Variants in NCKAP5 observed in about 807,000 individuals in gnomAD.
The protein encoded by NCKAP5 is NCK associated protein 5, also known as nck-associated protein 5.
A neutral mutation model predicts 167.0 loss-of-function variants in NCKAP5; 92 were observed. The ratio of observed to expected loss-of-function variants is 0.55; its 90% CI spans 0.47 to 0.66. The LOEUF (loss-of-function observed/expected upper bound fraction) is 0.66. Among genes scored for constraint, NCKAP5 ranks in the 30% least tolerant of loss-of-function variants. The pLI, the probability that NCKAP5 is intolerant of heterozygous loss-of-function variation, is 0.00. For missense variants in NCKAP5, 2,378 were observed against 2,315.0 expected (o/e 1.03, Z -0.56); for synonymous variants, 891 against 877.4 (o/e 1.02, Z -0.27).
At chr2:132,895,109 A>G (rs1002635211) in intron 8 of NCKAP5, among the ~76,000 whole-genome samples, 1 of 152,212 alleles carries the variant, frequency 6.6e-6, no homozygotes, top group South Asian at 2.1e-4. Flanking sequence ...AGGCGGGCGG[A>G]TCACAAGGTC....
chr2:133,320,825 G>A (rs1291239311), intron 3 of NCKAP5, among the ~76,000 whole-genome samples: 1 of 152,210 alleles, frequency 6.6e-6, no homozygotes, highest in Non-Finnish European at 1.5e-5. Context: ...ATGTTCCATA[G>A]CATGAAACTT....
chr2:133,558,933 A>T (rs1687961243), intron 2 of NCKAP5, 117 bp downstream of exon 2: 1 of 152,076 alleles, frequency 6.6e-6, no homozygotes, highest in African/African-American at 2.4e-5. Flanking sequence ...TCATTGCCCT[A>T]AGACAGTCAC....
At chr2:133,239,130 G>A (rs1287567043) in intron 4 of NCKAP5, among the ~76,000 whole-genome samples, 1 of 152,116 alleles carries the variant, frequency 6.6e-6, no homozygotes, top group African/African-American at 2.4e-5. Flanking sequence ...ACTTATCAAA[G>A]TCCATTTAAT....
At chr2:133,384,841 G>C (rs968542732) in intron 3 of NCKAP5, among the ~76,000 whole-genome samples, 2 of 151,824 alleles carry the variant, frequency 1.3e-5, no homozygotes, top group African/African-American at 4.8e-5. Context: ...TCATGATTTG[G>C]CTGTTTGTCT....
intron 19 of NCKAP5, among the ~76,000 whole-genome samples, chr2:132,693,949 G>A (rs990965412): frequency 2.6e-5 from 4 of 151,786 alleles, no homozygotes; most frequent in South Asian, 2.1e-4. Context: ...AAGCCCTCTC[G>A]TTTATGGCAG....
chr2:132,826,248 C>T (rs935371471), intron 11 of NCKAP5, among the ~76,000 whole-genome samples: 3 of 152,000 alleles, frequency 2.0e-5, no homozygotes, highest in African/African-American at 7.3e-5. Flanking sequence ...AGTTATGGTC[C>T]CTTTTAAAGA....
intron 1 of NCKAP5, among the ~76,000 whole-genome samples, chr2:133,567,813 C>T (rs563487356): frequency 1.3e-3 from 201 of 152,174 alleles, no homozygotes; most frequent in African/African-American, 4.8e-3. Context: ...GTTCTCCCTG[C>T]AGTGTACCAG....
intron 3 of NCKAP5, among the ~76,000 whole-genome samples, chr2:133,474,598 G>C (rs1323861480): frequency 6.6e-6 from 1 of 152,134 alleles, no homozygotes; most frequent in Non-Finnish European, 1.5e-5. Context: ...ATGTTAATTA[G>C]TTTGATCTAG....
intron 19 of NCKAP5, among the ~76,000 whole-genome samples, chr2:132,703,335 C>T (rs1357141808): frequency 6.6e-6 from 1 of 152,142 alleles, no homozygotes; most frequent in Non-Finnish European, 1.5e-5. Flanking sequence ...TAAAAGTATT[C>T]TGACAATTCA....
chr2:132,746,995 C>T (rs963435495), intron 16 of NCKAP5, among the ~76,000 whole-genome samples: 9 of 151,866 alleles, frequency 5.9e-5, no homozygotes, highest in African/African-American at 1.7e-4. Flanking sequence ...GTGTAAAAGG[C>T]GTGAAGGAGT....
At chr2:132,997,036 C>G (rs141763321) in intron 6 of NCKAP5, among the ~76,000 whole-genome samples, 8 of 152,316 alleles carry the variant, frequency 5.3e-5, no homozygotes, top group African/African-American at 1.9e-4. Flanking sequence ...GCAGGCTGAT[C>G]CAGCTTCTCC....
intron 8 of NCKAP5, among the ~76,000 whole-genome samples, chr2:132,958,422 C>T (rs1479985397): frequency 2.0e-5 from 3 of 152,206 alleles, no homozygotes; most frequent in Non-Finnish European, 2.9e-5. Context: ...CTATGTCCCA[C>T]TATTAGCCCA....
At chr2:133,588,043 A>G in the NCKAP5 span, among the ~76,000 whole-genome samples, 1 of 152,214 alleles carries the variant, frequency 6.6e-6, no homozygotes, top group Non-Finnish European at 1.5e-5. Flanking sequence ...GAATAAATAA[A>G]TAAAAAGAAT....
chr2:132,974,481 A>C (rs2076920454), intron 7 of NCKAP5, among the ~76,000 whole-genome samples: 1 of 152,212 alleles, frequency 6.6e-6, no homozygotes, highest in African/African-American at 2.4e-5. Flanking sequence ...ATATAGGGCA[A>C]ATATTCTGGA....
chr2:133,257,792 A>G (rs1347446699), intron 4 of NCKAP5, among the ~76,000 whole-genome samples: 2 of 152,188 alleles, frequency 1.3e-5, no homozygotes, highest in African/African-American at 4.8e-5. Flanking sequence ...AAATCTTTGC[A>G]TAGAAATGAA....
At chr2:132,993,923 T>G (rs1457324940) in intron 7 of NCKAP5, among the ~76,000 whole-genome samples, 2 of 151,102 alleles carry the variant, frequency 1.3e-5, no homozygotes, top group Admixed American at 6.6e-5. Flanking sequence ...ACTTATTTTT[T>G]GCATCTTCTA....
At chr2:132,920,696 TATATAC>T (rs1695266382) in intron 8 of NCKAP5, among the ~76,000 whole-genome samples, 2 of 101,006 alleles carry the variant, frequency 2.0e-5, no homozygotes, top group African/African-American at 4.3e-5. Flanking sequence ...TTTATATATA[TATATAC>T]GTATATGTAT....
chr2:132,893,162 G>A (rs773015449), intron 8 of NCKAP5, among the ~76,000 whole-genome samples: 17 of 152,158 alleles, frequency 1.1e-4, no homozygotes, highest in African/African-American at 1.9e-4. Context: ...CATGGCAAGC[G>A]TTGGTAAGAA....
At chr2:133,456,262 T>A (rs986943022) in intron 3 of NCKAP5, among the ~76,000 whole-genome samples, 2 of 152,142 alleles carry the variant, frequency 1.3e-5, no homozygotes, top group Non-Finnish European at 2.9e-5. Flanking sequence ...CAGGCCCCCA[T>A]GCAGAAAGGA....
Sources: gnomAD v4.1 joint callset for allele counts (sites outside exome capture counted in the v4.1 genomes callset) on GRCh38, gnomAD v4.1.1 for gene constraint, MANE v1.5 for transcripts, NCBI Gene and HGNC (gene_info 2026-07-23, HGNC 2026-07-21) for gene names.